Variants in ATG16L1 observed in about 807,000 individuals in gnomAD.
The protein encoded by ATG16L1 is autophagy related 16 like 1, also known as autophagy-related protein 16-1.
In ATG16L1, 37 loss-of-function variants were observed where a neutral mutation model predicts 88.5. The ratio of observed to expected loss-of-function variants is 0.42; its 90% CI spans 0.32 to 0.55. The LOEUF (loss-of-function observed/expected upper bound fraction) is 0.55, where lower values mean the gene tolerates loss of function less well. Ranked by LOEUF, ATG16L1 falls within the 20% of genes least tolerant of loss-of-function variation. The probability of loss-of-function intolerance (pLI) is 0.13; values close to 1 mark genes in which losing one functional copy is unlikely to be tolerated. For synonymous variants in ATG16L1, 301 were observed against 281.0 expected, an observed-to-expected ratio of 1.07 and a Z score of -0.71; for missense variants, 554 against 752.8, an observed-to-expected ratio of 0.74 and a Z score of 3.09.
chr2:233,288,626 AAC>A (rs1488269772), intron 12 of ATG16L1: 1 of 410,368 alleles, frequency 2.4e-6, no homozygotes, highest in Non-Finnish European at 4.9e-6. Flanking sequence ...ATACCTTCTG[AAC>A]CTCTGGTGTT....
chr2:233,262,992 A>G lies in ATG16L1; in HGVS notation c.210-138A>G, dbSNP rs556818295. On this transcript the variant is annotated intron_variant, in intron 2 of 17. Transcript: ENST00000392017. The stretch of plus-strand genomic sequence containing the variant: ...GTGCCTGTAACCGCAGCTGCTGGAG[A>G]CACCCGAATGGTTTATTGGCTTTGT... The G allele has an allele frequency of 4.1e-6, 3 of 722,908 alleles. No individual in the cohort carries two copies. In the East Asian group the frequency reaches 8.1e-5, roughly 19 times the overall value. 44.8% of individuals were successfully genotyped at this position (722,908 alleles called of 1,614,324 possible).
At chr2:233,275,080 T>C (rs948295923) in intron 9 of ATG16L1, among the ~76,000 whole-genome samples, 8 of 152,188 alleles carry the variant, frequency 5.3e-5, no homozygotes, top group African/African-American at 1.9e-4. Flanking sequence ...ATTTATATAA[T>C]TATTGTCACC....
chr2:233,286,449 CAG>C (rs1054916926), intron 12 of ATG16L1, among the ~76,000 whole-genome samples: 1 of 151,850 alleles, frequency 6.6e-6, no homozygotes, highest in African/African-American at 2.4e-5. Context: ...AAACACCTAA[CAG>C]ATAGAAGAAT....
intron 6 of ATG16L1, among the ~76,000 whole-genome samples, chr2:233,271,000 A>G (rs1442732973): frequency 6.6e-6 from 1 of 152,200 alleles, no homozygotes; most frequent in African/African-American, 2.4e-5. Flanking sequence ...AGGTTCCCAT[A>G]TCATGCCTTT....
Position 233,294,399 on chromosome 2 carries a change from A to G in ATG16L1, c.*49A>G, listed in dbSNP as rs1188977229. The G allele has an allele frequency of 1.4e-6, 2 of 1,480,882 alleles. No homozygotes were observed. Among genetic ancestry groups the G allele is most frequent in the Non-Finnish European group, 1.9e-6 (2 of 1,064,950 alleles). The allele number at this position is 1,480,882 out of a possible 1,614,324, so 91.7% of individuals were successfully genotyped here. On this transcript the variant is annotated 3_prime_UTR_variant, in exon 18 of 18. Coordinates refer to ENST00000392017, the MANE Select transcript of ATG16L1 (RefSeq NM_030803.7). ...CCCCAGTGCCCTCCTCAGAAGAAGCACATGGGCTCCTGCAGCCCTGTCCTG... is the reference window on the plus strand; with the variant it reads ...CCCCAGTGCCCTCCTCAGAAGAAGCGCATGGGCTCCTGCAGCCCTGTCCTG...
intron 10 of ATG16L1, among the ~76,000 whole-genome samples, 168 bp from the exon 11 acceptor site, chr2:233,280,937 A>C (rs1237271839): frequency 6.6e-6 from 1 of 152,174 alleles, no homozygotes; most frequent in Non-Finnish European, 1.5e-5. Flanking sequence ...AGTATCTTTT[A>C]TCTCTCATGT....
intron 5 of ATG16L1, chr2:233,266,210 CGG>C (rs1697565339): frequency 2.0e-5 from 3 of 151,528 alleles, no homozygotes; most frequent in African/African-American, 7.3e-5. Flanking sequence ...GAGGCGGAGG[CGG>C]AGGCGGAGGC....
At chr2:233,274,600 G>C in intron 8 of ATG16L1, 76 bp from the exon 9 acceptor site, 1 of 1,137,410 alleles carries the variant, frequency 8.8e-7, no homozygotes, top group East Asian at 2.5e-5. Flanking sequence ...GGTCGTCTTG[G>C]AGTCCTTTCT....
At chr2:233,259,542 C>G (rs1165398090) in intron 2 of ATG16L1, among the ~76,000 whole-genome samples, 12 of 152,160 alleles carry the variant, frequency 7.9e-5, no homozygotes, top group Admixed American at 7.2e-4. Context: ...TGTTTGGCAA[C>G]TCGACTTGCT....
At chr2:233,264,222 A>G (rs1697410950) in intron 4 of ATG16L1, 157 bp downstream of exon 4, 2 of 641,514 alleles carry the variant, frequency 3.1e-6, no homozygotes, top group East Asian at 6.0e-5. Flanking sequence ...ATCCTTTTCT[A>G]CCAGCTCTGA....
rs970363186 is a variant in ATG16L1, at chr2:233,289,377, A to G, written c.1204-477A>G. 4.2e-3 allele frequency among the ~76,000 whole-genome samples: 537 copies of G among 129,132 alleles called. 3 individuals are homozygous for G. Among genetic ancestry groups the G allele is most frequent in the Admixed American group, 9.4e-3 (122 of 13,020 alleles). 84.7% of individuals were successfully genotyped at this position (129,132 alleles called of 152,430 possible). ...ATTGTTGCTTCTTGTCCTGTTTGGG[A>G]TGTGTGTGTGTGTGTGTGTGTGTGT... On this transcript the variant is annotated intron_variant, in intron 12 of 17. Coordinates refer to ENST00000392017, the MANE Select transcript of ATG16L1 (RefSeq NM_030803.7).
At chr2:233,287,575 G>A (rs1699168858) in intron 12 of ATG16L1, among the ~76,000 whole-genome samples, 1 of 152,146 alleles carries the variant, frequency 6.6e-6, no homozygotes. Context: ...TGATAAAATA[G>A]TTATTCAGAA....
At chr2:233,274,160 A>G (rs1166740463) in intron 8 of ATG16L1, 3 of 1,136,144 alleles carry the variant, frequency 2.6e-6, no homozygotes, top group East Asian at 2.6e-5. Context: ...GATGCTTTGC[A>G]TGTTCCTAGG....
intron 12 of ATG16L1, among the ~76,000 whole-genome samples, chr2:233,285,360 G>A (rs550816450): frequency 6.6e-6 from 1 of 152,210 alleles, no homozygotes; most frequent in Non-Finnish European, 1.5e-5. Flanking sequence ...GTCCTATACA[G>A]GTGGGCATCA....
At chr2:233,264,516 C>T (rs1034984355) in intron 4 of ATG16L1, among the ~76,000 whole-genome samples, 2 of 152,040 alleles carry the variant, frequency 1.3e-5, no homozygotes, top group African/African-American at 2.4e-5. Context: ...GCTGGGGTAG[C>T]GTGTGCTTGG....
At position 233,292,445 on chromosome 2, in the gene ATG16L1, A is replaced by T. The variant is rs369790176; in HGVS notation, c.1628+11A>T. On this transcript the variant is annotated intron_variant, in intron 16 of 17. Transcript: ENST00000392017. ...CAGAGTTGTCTTCAGGTTAGTAGTG[A>T]CCCACCCCCCGCCAATTTGGTTCAT... is the stretch of plus-strand genomic sequence containing the variant. 1.9e-6 allele frequency: 3 copies of T among 1,611,990 alleles called. No homozygotes were observed. The highest frequency in any genetic ancestry group is 2.5e-6 in the Non-Finnish European group (3 of 1,179,898).
intron 2 of ATG16L1, among the ~76,000 whole-genome samples, chr2:233,259,544 C>T (rs768768986): frequency 1.3e-5 from 2 of 152,098 alleles, no homozygotes; most frequent in Non-Finnish European, 2.9e-5. Flanking sequence ...TTTGGCAACT[C>T]GACTTGCTAG....
intron 5 of ATG16L1, among the ~76,000 whole-genome samples, chr2:233,266,488 A>G (rs1159938928): frequency 6.6e-6 from 1 of 152,210 alleles, no homozygotes; most frequent in Admixed American, 6.5e-5. Context: ...TACAGATTAG[A>G]ACATACATAT....
At chr2:233,276,972 CTG>C (rs1309279037) in intron 9 of ATG16L1, among the ~76,000 whole-genome samples, 1 of 152,208 alleles carries the variant, frequency 6.6e-6, no homozygotes, top group Non-Finnish European at 1.5e-5. Context: ...GCTGAGCAAA[CTG>C]AGATTTCAGA....
Sources: allele counts gnomAD v4.1 joint callset (sites outside exome capture counted in the v4.1 genomes callset), GRCh38; gene constraint gnomAD v4.1.1; transcripts MANE v1.5; gene names NCBI Gene and HGNC (gene_info 2026-07-23, HGNC 2026-07-21).